SMAD2: variants seen among roughly 807,000 people sequenced by gnomAD.
SMAD2 encodes MAD homolog 2.
SMAD2 carries 8 observed loss-of-function variants against 64.4 expected under a neutral mutation model. That is an observed-to-expected ratio of 0.12 (90% CI 0.07 to 0.22). The LOEUF is 0.22. Among genes scored for constraint, SMAD2 ranks in the 10% least tolerant of loss-of-function variants. The probability of loss-of-function intolerance (pLI) is 1.00; values close to 1 mark genes in which losing one functional copy is unlikely to be tolerated. For missense variants in SMAD2, 289 were observed against 561.2 expected (o/e 0.51, Z 4.90); for synonymous variants, 203 against 195.8 (o/e 1.04, Z -0.31).
intron 8 of SMAD2, 45 bp downstream of exon 8, chr18:47,848,430 G>T: frequency 7.3e-7 from 1 of 1,372,712 alleles, no homozygotes; most frequent in African/African-American, 1.4e-5. Flanking sequence ...CCTACATTAT[G>T]AGTATACAGC....
At chr18:47,881,449 G>A (rs1275189215) in intron 2 of SMAD2, among the ~76,000 whole-genome samples, 2 of 152,148 alleles carry the variant, frequency 1.3e-5, no homozygotes, top group African/African-American at 4.8e-5. Context: ...TCTATAAAGT[G>A]CAGCCTTGCT....
intron 1 of SMAD2, among the ~76,000 whole-genome samples, chr18:47,928,205 A>C (rs1288347608): frequency 6.6e-6 from 1 of 152,188 alleles, no homozygotes; most frequent in Non-Finnish European, 1.5e-5. Context: ...ACACCTGTAT[A>C]AAAAAGCTGC....
At chr18:47,886,390 T>G (rs927476253) in intron 2 of SMAD2, among the ~76,000 whole-genome samples, 1 of 152,240 alleles carries the variant, frequency 6.6e-6, no homozygotes, top group Non-Finnish European at 1.5e-5. Flanking sequence ...ATGCAAATTA[T>G]ATAAGGCATC....
intron 2 of SMAD2, among the ~76,000 whole-genome samples, chr18:47,882,609 T>C (rs1488267923): frequency 2.0e-5 from 3 of 152,248 alleles, no homozygotes; most frequent in Admixed American, 1.3e-4. Context: ...ACTTTTCTTT[T>C]AGTTGCATCT....
chr18:47,851,211 A>T, intron 7 of SMAD2, 63 bp downstream of exon 7: 1 of 1,159,964 alleles, frequency 8.6e-7, no homozygotes, highest in South Asian at 1.3e-5. Flanking sequence ...CCTAGAGATG[A>T]TTTTTATTAT....
chr18:47,818,581 C>T lies in SMAD2; in HGVS notation c.*23246G>A, dbSNP rs189751757. On this transcript the variant is annotated 3_prime_UTR_variant, in exon 11 of 11. Coordinates refer to ENST00000262160, the MANE Select transcript of SMAD2 (RefSeq NM_005901.6). ...CTGCTAAAATGCTTCCCTGCCTGCA[C>T]TGACTAGTCAAAAAAACCAGAATGG... The T allele has an allele frequency of 1.1e-3, 170 of 152,334 alleles. No individual in the cohort carries two copies. Among genetic ancestry groups the T allele is most frequent in the African/African-American group, 4.0e-3 (166 of 41,566 alleles). The allele number at this position is 152,334 out of a possible 1,614,324, so 9.4% of individuals were successfully genotyped here.
intron 6 of SMAD2, among the ~76,000 whole-genome samples, chr18:47,855,753 C>T (rs115894673): frequency 6.6e-6 from 1 of 152,250 alleles, no homozygotes; most frequent in African/African-American, 2.4e-5. Context: ...TCCTGAGTAG[C>T]TGGGACCACA....
intron 6 of SMAD2, among the ~76,000 whole-genome samples, chr18:47,857,103 C>T (rs112624321): frequency 0.017 from 2,632 of 152,122 alleles, 67 homozygotes; most frequent in African/African-American, 0.059. Flanking sequence ...GTGATCCGCC[C>T]GCCTCGGCCT....
chr18:47,839,796 G>A lies in SMAD2; in HGVS notation c.*2031C>T, dbSNP rs1913768381. ...TTTTGCATTTGATGCTATTCTCTTT[G>A]CCAGGAATGCTTATCTCCCCTGGCT... On this transcript the variant is annotated 3_prime_UTR_variant, in exon 11 of 11. Transcript: ENST00000262160. The A allele has an allele frequency of 4.3e-6, 1 of 233,042 alleles. No homozygotes were observed. The highest frequency in any genetic ancestry group is 6.0e-5 in the East Asian group (1 of 16,572). The allele number at this position is 233,042 out of a possible 1,614,324, so 14.4% of individuals were successfully genotyped here.
At chr18:47,902,453 T>C (rs1353113209) in intron 1 of SMAD2, among the ~76,000 whole-genome samples, 1 of 152,168 alleles carries the variant, frequency 6.6e-6, no homozygotes, top group East Asian at 1.9e-4. Flanking sequence ...GTTGAAATAA[T>C]TTGTTGATGA....
chr18:47,810,114 G>A lies in SMAD2; in HGVS notation c.*31713C>T, dbSNP rs12454094. ...CTGATCTGAGTACAATCACAGAGGA[G>A]CACTGGAAGATACCACAGCCCAGGT... On this transcript the variant is annotated 3_prime_UTR_variant, in exon 11 of 11. Transcript: ENST00000262160. 0.35 allele frequency: 53,379 copies of A among 151,980 alleles called. 10,442 individuals carry two copies. The highest frequency in any genetic ancestry group is 0.51 in the Middle Eastern group (151 of 294). The allele number at this position is 151,980 out of a possible 1,614,324, so 9.4% of individuals were successfully genotyped here.
Position 47,833,932 on chromosome 18 carries a change from A to G in SMAD2, c.*7895T>C, listed in dbSNP as rs1913162879. On this transcript the variant is annotated 3_prime_UTR_variant, in exon 11 of 11. Transcript: ENST00000262160. ...ATAAGGACGCATGATTTGTACTTAC[A>G]TATACACATAGGTTCAGAAGAACTT... The G allele has an allele frequency of 4.4e-6, 1 of 225,624 alleles. No homozygotes were observed. Among genetic ancestry groups the G allele is most frequent in the Non-Finnish European group, 8.8e-6 (1 of 113,526 alleles). The allele number at this position is 225,624 out of a possible 1,614,324, so 14.0% of individuals were successfully genotyped here.
At position 47,872,786 on chromosome 18, in the gene SMAD2, T is replaced by C. The variant is rs187539535; in HGVS notation, c.237-2222A>G. 1.3e-3 allele frequency among the ~76,000 whole-genome samples: 201 copies of C among 152,242 alleles called. 4 individuals carry two copies. Among genetic ancestry groups the C allele is most frequent in the Non-Finnish European group, 3.2e-4 (22 of 68,006 alleles). Reference sequence around the variant, plus strand: ...GTGGAACGTCTTTATCCCAAAACCATTGCCGCACCACCACGGTCAGTGGAA... The same window carrying C: ...GTGGAACGTCTTTATCCCAAAACCACTGCCGCACCACCACGGTCAGTGGAA... On this transcript the variant is annotated intron_variant, in intron 2 of 10. Transcript: ENST00000262160.
Position 47,816,566 on chromosome 18 carries a change from A to G in SMAD2, c.*25261T>C, listed in dbSNP as rs903359395. 1.3e-5 allele frequency: 2 copies of G among 152,230 alleles called. No individual in the cohort carries two copies. The highest frequency in any genetic ancestry group is 4.8e-5 in the African/African-American group (2 of 41,458). 9.4% of individuals were successfully genotyped at this position (152,230 alleles called of 1,614,324 possible). A position where few individuals can be genotyped will look rare whatever the true frequency, so the allele number is the denominator to read the frequency against. On this transcript the variant is annotated 3_prime_UTR_variant, in exon 11 of 11. Transcript: ENST00000262160. ...AAGCAGCTTGTGTTACAAAAACTGCAACCTTTCACAAAGGTTACCCACAAA... is the reference window on the plus strand; with the variant it reads ...AAGCAGCTTGTGTTACAAAAACTGCGACCTTTCACAAAGGTTACCCACAAA...
chr18:47,893,371 G>A (rs1007566585), intron 2 of SMAD2, among the ~76,000 whole-genome samples: 4 of 152,210 alleles, frequency 2.6e-5, no homozygotes, highest in Non-Finnish European at 5.9e-5. Flanking sequence ...AAGTAGAGAG[G>A]AGGAACTGTT....
At chr18:47,845,594 C>T (rs2144289334) in intron 9 of SMAD2, 69 bp downstream of exon 9, 1 of 1,593,486 alleles carries the variant, frequency 6.3e-7, no homozygotes. Context: ...CTACTGATTC[C>T]TAAAATTAGC....
rs1913544967 is a variant in SMAD2 at position 47,837,575 on chromosome 18, A to AAC, written c.*4251_*4252insGT. On this transcript the variant is annotated 3_prime_UTR_variant, in exon 11 of 11. Coordinates refer to ENST00000262160, the MANE Select transcript of SMAD2 (RefSeq NM_005901.6). Reference sequence around the variant, plus strand: ...AGACTCCCTCTCAAAAAAAAAAAAAAAAAACAAAAAACAAGGCTAACAAGA... The same window carrying AAC: ...AGACTCCCTCTCAAAAAAAAAAAAAAACAAAACAAAAAACAAGGCTAACAAGA... The AAC allele has an allele frequency of 1.3e-5, 3 of 228,056 alleles. No homozygotes were observed. Among genetic ancestry groups the AAC allele is most frequent in the Non-Finnish European group, 2.6e-5 (3 of 115,670 alleles). 14.1% of individuals were successfully genotyped at this position (228,056 alleles called of 1,614,324 possible). A position where few individuals can be genotyped will look rare whatever the true frequency, so the allele number is the denominator to read the frequency against.
In SMAD2 at chr18:47,817,144, G is replaced by A. The variant is rs1912400496; in HGVS notation, c.*24683C>T. The A allele has an allele frequency of 6.6e-6, 1 of 152,188 alleles. No homozygotes were observed. Among genetic ancestry groups the A allele is most frequent in the African/African-American group, 2.4e-5 (1 of 41,430 alleles). The allele number at this position is 152,188 out of a possible 1,614,324, so 9.4% of individuals were successfully genotyped here. On this transcript the variant is annotated 3_prime_UTR_variant, in exon 11 of 11. Coordinates refer to ENST00000262160, the MANE Select transcript of SMAD2 (RefSeq NM_005901.6). ...AGCCTCTCTCTGTGTTGACATAAATGGTGTTCAGCAGTAGAACCTGAAGTA... is the reference window on the plus strand; with the variant it reads ...AGCCTCTCTCTGTGTTGACATAAATAGTGTTCAGCAGTAGAACCTGAAGTA...
intron 10 of SMAD2, among the ~76,000 whole-genome samples, chr18:47,843,385 TC>T (rs1194017928): frequency 6.6e-6 from 1 of 152,134 alleles, no homozygotes; most frequent in Non-Finnish European, 1.5e-5. Flanking sequence ...TGCCCTGTTC[TC>T]CCCTGTCCCA....
Sources: gnomAD v4.1 joint callset for allele counts (sites outside exome capture counted in the v4.1 genomes callset) on GRCh38, gnomAD v4.1.1 for gene constraint, MANE v1.5 for transcripts, NCBI Gene and HGNC (gene_info 2026-07-23, HGNC 2026-07-21) for gene names.